Variants in STXBP4 observed in about 807,000 individuals in gnomAD.
STXBP4 encodes syntaxin binding protein 4, also known as syntaxin-binding protein 4.
A neutral mutation model predicts 76.1 loss-of-function variants in STXBP4; 55 were observed. The observed-to-expected ratio is 0.72, with a 90% CI of 0.58 to 0.91. The LOEUF is 0.91. Among genes scored for constraint, STXBP4 ranks in the 40% least tolerant of loss-of-function variants. STXBP4 has a pLI of 0.00. For missense variants in STXBP4, 618 were observed against 636.9 expected (o/e 0.97, Z 0.32); for synonymous variants, 201 against 220.2 (o/e 0.91, Z 0.77).
chr17:55,064,655 G>A (rs1031019647), intron 12 of STXBP4, among the ~76,000 whole-genome samples: 45 of 151,406 alleles, frequency 3.0e-4, no homozygotes, highest in Admixed American at 9.9e-4. Flanking sequence ...CCCGCCACCC[G>A]CCACCATGCC....
At chr17:55,133,148 G>A (rs1052188466) in intron 16 of STXBP4, among the ~76,000 whole-genome samples, 2 of 152,016 alleles carry the variant, frequency 1.3e-5, no homozygotes, top group East Asian at 3.9e-4. Flanking sequence ...TCTAGGTAAG[G>A]GATGGACCAA....
At chr17:55,028,168 TA>T (rs869109460) in intron 8 of STXBP4, among the ~76,000 whole-genome samples, 1 of 152,076 alleles carries the variant, frequency 6.6e-6, no homozygotes, top group Non-Finnish European at 1.5e-5. Context: ...TATAATTTTT[TA>T]AAAAATCCAG....
chr17:55,079,330 A>G (rs951062123), intron 15 of STXBP4, among the ~76,000 whole-genome samples: 1 of 152,206 alleles, frequency 6.6e-6, no homozygotes, highest in Non-Finnish European at 1.5e-5. Context: ...ATTTTGATAC[A>G]TGATGAAAGA....
intron 2 of STXBP4, among the ~76,000 whole-genome samples, 199 bp downstream of exon 2, chr17:54,985,890 T>C (rs1187688263): frequency 6.6e-6 from 1 of 152,210 alleles, no homozygotes; most frequent in Non-Finnish European, 1.5e-5. Flanking sequence ...AAAATGAAGA[T>C]GTTATATAGA....
At chr17:55,098,542 A>G (rs902086236) in intron 16 of STXBP4, among the ~76,000 whole-genome samples, 1 of 152,202 alleles carries the variant, frequency 6.6e-6, no homozygotes, top group Non-Finnish European at 1.5e-5. Context: ...GGAGTAAGCC[A>G]TATAGCTCTC....
intron 10 of STXBP4, among the ~76,000 whole-genome samples, chr17:55,036,816 A>G (rs900530701): frequency 6.6e-6 from 1 of 152,180 alleles, no homozygotes; most frequent in East Asian, 1.9e-4. Flanking sequence ...TTAGAGCTCT[A>G]CTGTTTTCAA....
At chr17:55,211,800 T>TTG in the STXBP4 span, among the ~76,000 whole-genome samples, 284 of 33,296 alleles carry the variant, frequency 8.5e-3, 3 homozygotes, top group African/African-American at 0.031. Flanking sequence ...TTTTTTGTTG[T>TTG]TTTTTTTTTT....
the STXBP4 span, among the ~76,000 whole-genome samples, chr17:55,212,699 G>C: frequency 6.6e-6 from 1 of 152,092 alleles, no homozygotes; most frequent in Non-Finnish European, 1.5e-5. Flanking sequence ...AAGTCCATAG[G>C]TGTCCATGCT....
chr17:55,075,882 A>C (rs985899887), intron 13 of STXBP4, among the ~76,000 whole-genome samples: 8 of 152,124 alleles, frequency 5.3e-5, no homozygotes, highest in African/African-American at 1.9e-4. Context: ...AATCAGCTAT[A>C]ATGGGGTTAT....
intron 3 of STXBP4, among the ~76,000 whole-genome samples, 171 bp downstream of exon 3, chr17:54,986,437 A>G (rs1014089531): frequency 2.6e-5 from 4 of 152,168 alleles, no homozygotes; most frequent in Admixed American, 2.0e-4. Flanking sequence ...AAATCAGTGT[A>G]TAGAACAAAA....
At chr17:54,992,755 G>A (rs972687038) in intron 4 of STXBP4, among the ~76,000 whole-genome samples, 2 of 135,826 alleles carry the variant, frequency 1.5e-5, no homozygotes, top group Non-Finnish European at 3.0e-5. Flanking sequence ...CTGTTGCCCA[G>A]GCTGGAGTGC....
In STXBP4 at chr17:55,027,686, A is replaced by G. The variant is rs1329853761; in HGVS notation, c.667-3482A>G. On this transcript the variant is annotated intron_variant, in intron 8 of 17. Transcript: ENST00000376352. ...TGTAGCATTTTTATGAAGCTAAAAA[A>G]CCAGTAAAACAAAGTAACATGTTAG... Among the ~76,000 whole-genome samples, 5 of 152,226 alleles carry G rather than the reference A, an allele frequency of 3.3e-5. No homozygotes were observed. In the East Asian group the frequency reaches 9.6e-4, roughly 29 times the overall value.
intron 12 of STXBP4, among the ~76,000 whole-genome samples, chr17:55,061,475 A>T (rs893890533): frequency 6.6e-6 from 1 of 152,194 alleles, no homozygotes; most frequent in African/African-American, 2.4e-5. Context: ...AGAAAAATAC[A>T]TATATTTGTC....
rs114844260 is a variant in STXBP4, at chr17:55,081,162, C to T, written c.1468C>T (p.Arg490Cys). 6.7e-5 allele frequency: 101 copies of T among 1,509,434 alleles called. No homozygotes were observed. Among genetic ancestry groups the T allele is most frequent in the Non-Finnish European group, 8.2e-5 (93 of 1,134,486 alleles). The allele number at this position is 1,509,434 out of a possible 1,614,324, so 93.5% of individuals were successfully genotyped here. Residue 490 changes from arginine to cysteine, a missense_variant, in exon 16 of 18, where the codon CGT becomes TGT. Arg to Cys is a radical substitution (Grantham distance 180). Coordinates refer to ENST00000376352, the MANE Select transcript of STXBP4 (RefSeq NM_178509.6). ...LESKELVKSV[R>C]ALLDMDCLPY... is the part of the protein sequence containing the mutation. ...ATCTAAGGAACTTGTTAAATCTGTT[C>T]GTGCCTTACTTGATATGGATTGTAA... is the stretch of plus-strand genomic sequence containing the variant.
In STXBP4 at chr17:54,969,314, G is replaced by A. The variant is rs372874261; in HGVS notation, c.-157+499G>A. 1.5e-3 allele frequency among the ~76,000 whole-genome samples: 224 copies of A among 152,348 alleles called. 7 individuals are homozygous for A. The South Asian group carries it at 0.045, about 31-fold the overall frequency. On this transcript the variant is annotated intron_variant, in intron 1 of 17. Coordinates refer to ENST00000376352, the MANE Select transcript of STXBP4 (RefSeq NM_178509.6). ...AGACTGAAAGAAACGAACCCCGTGG[G>A]AGGATGTAATAGCTTTCTTCAGTTG...
chr17:55,118,149 G>C (rs888094035), intron 16 of STXBP4, among the ~76,000 whole-genome samples: 5 of 151,992 alleles, frequency 3.3e-5, no homozygotes, highest in Non-Finnish European at 7.4e-5. Flanking sequence ...TATGATTTAA[G>C]TTGGAAAAGC....
chr17:55,210,215 A>G, the STXBP4 span, among the ~76,000 whole-genome samples: 1 of 152,192 alleles, frequency 6.6e-6, no homozygotes, highest in Non-Finnish European at 1.5e-5. Context: ...CCATATTATA[A>G]ATCTAAATTT....
At chr17:55,088,709 C>G (rs1430342539) in intron 16 of STXBP4, among the ~76,000 whole-genome samples, 1 of 152,126 alleles carries the variant, frequency 6.6e-6, no homozygotes, top group Non-Finnish European at 1.5e-5. Flanking sequence ...GAAGACAATT[C>G]TAAAGCTTTC....
chr17:55,136,623 T>C (rs2080031113), intron 16 of STXBP4, among the ~76,000 whole-genome samples: 1 of 152,112 alleles, frequency 6.6e-6, no homozygotes, highest in Admixed American at 6.6e-5. Flanking sequence ...TAGCTCGAAA[T>C]AGGCATAGTA....
Sources: gnomAD v4.1 joint callset for allele counts (sites outside exome capture counted in the v4.1 genomes callset) on GRCh38, gnomAD v4.1.1 for gene constraint, MANE v1.5 for transcripts, NCBI Gene and HGNC (gene_info 2026-07-23, HGNC 2026-07-21) for gene names.